The following ERO1A variants were observed in gnomAD, a reference collection of about 807,000 sequenced individuals.
ERO1A encodes ERO1-like protein alpha.
ERO1A carries 49 observed loss-of-function variants against 76.9 expected under a neutral mutation model. The ratio of observed to expected loss-of-function variants is 0.64; its 90% CI spans 0.51 to 0.81. ERO1A has a LOEUF of 0.81. ERO1A is among the 30% of genes least tolerant of loss of function. The probability of loss-of-function intolerance (pLI) is 0.00; values close to 1 mark genes in which losing one functional copy is unlikely to be tolerated. For missense variants in ERO1A, 448 were observed against 542.1 expected (o/e 0.83, Z 1.72); for synonymous variants, 174 against 181.2 (o/e 0.96, Z 0.32).
At chr14:52,652,623 A>G (rs116304498) in intron 12 of ERO1A, among the ~76,000 whole-genome samples, 1 of 152,174 alleles carries the variant, frequency 6.6e-6, no homozygotes, top group African/African-American at 2.4e-5. Context: ...CAAAAGCAAA[A>G]TTCAATCTGA....
chr14:52,673,697 A>G (rs1399773123), intron 4 of ERO1A, among the ~76,000 whole-genome samples: 1 of 152,204 alleles, frequency 6.6e-6, no homozygotes, highest in East Asian at 1.9e-4. Flanking sequence ...AAATTTCACA[A>G]TCATAACTTA....
At chr14:52,692,018 T>C (rs1455935378) in intron 1 of ERO1A, among the ~76,000 whole-genome samples, 2 of 152,372 alleles carry the variant, frequency 1.3e-5, no homozygotes, top group Non-Finnish European at 2.9e-5. Context: ...ATGTAGCAAC[T>C]GACCAAATTC....
intron 3 of ERO1A, among the ~76,000 whole-genome samples, chr14:52,681,854 G>A (rs187593588): frequency 2.0e-4 from 31 of 152,118 alleles, no homozygotes; most frequent in Admixed American, 4.6e-4. Flanking sequence ...ATTTTATTAT[G>A]CTATATATAT....
rs1211261156 is a variant in ERO1A, at chr14:52,695,399, G to A, written c.83C>T (p.Pro28Leu). The change falls in exon 1 of 16, where the codon CCG becomes CTG. Residue 28 changes from proline to leucine, a missense_variant. Physicochemically the swap from Pro to Leu is moderately conservative, Grantham distance 98. This residue lies in a region of ERO1A where 146 missense variants were observed against 130.2 expected (regional missense o/e 1.12). Transcript: ENST00000395686. ...LSSGHGEEQP[P>L]ETAAQRCFCQ... ...GAAGCACCTCTGTGCCGCTGTCTCC[G>A]GGGGCTGCTCCTCTCCGTGGCCCGA... 30 of 1,534,912 alleles carry A rather than the reference G, an allele frequency of 2.0e-5. No homozygotes were observed. Among genetic ancestry groups the A allele is most frequent in the Non-Finnish European group, 2.6e-5 (30 of 1,139,414 alleles).
chr14:52,664,436 C>A (rs896165393), intron 7 of ERO1A, among the ~76,000 whole-genome samples: 1 of 151,846 alleles, frequency 6.6e-6, no homozygotes, highest in Non-Finnish European at 1.5e-5. Context: ...AATAAATACG[C>A]GTTAGTATTA....
rs903551594 is a variant in ERO1A at position 52,641,948 on chromosome 14, G to A, written c.*1622C>T. 3 of 152,162 alleles carry A rather than the reference G, an allele frequency of 2.0e-5. No homozygotes were observed. The highest frequency in any genetic ancestry group is 4.4e-5 in the Non-Finnish European group (3 of 68,042). The allele number at this position is 152,162 out of a possible 1,614,324, so 9.4% of individuals were successfully genotyped here. A position where few individuals can be genotyped will look rare whatever the true frequency, so the allele number is the denominator to read the frequency against. ...GCTTGGCACTGTACCAGGCCTTAGG[G>A]ACACAGAAGAAGAAGTATACAGCAG... On this transcript the variant is annotated 3_prime_UTR_variant, in exon 16 of 16. Transcript: ENST00000395686.
At chr14:52,686,056 A>G (rs1161988648) in intron 1 of ERO1A, among the ~76,000 whole-genome samples, 1 of 152,202 alleles carries the variant, frequency 6.6e-6, no homozygotes, top group Non-Finnish European at 1.5e-5. Context: ...TACCAGAAAC[A>G]TAAAAATTAG....
chr14:52,676,671 T>C (rs2040795021), intron 4 of ERO1A, among the ~76,000 whole-genome samples: 3 of 152,178 alleles, frequency 2.0e-5, no homozygotes, highest in African/African-American at 4.8e-5. Context: ...GTCATCTTTG[T>C]ATTAAAGTCA....
rs958253028 is a variant in ERO1A, at chr14:52,640,905, A to G, written c.*2665T>C. The G allele has an allele frequency of 3.9e-5, 6 of 152,234 alleles. No individual in the cohort carries two copies. Among genetic ancestry groups the G allele is most frequent in the African/African-American group, 1.2e-4 (5 of 41,544 alleles). The allele number at this position is 152,234 out of a possible 1,614,324, so 9.4% of individuals were successfully genotyped here. On this transcript the variant is annotated 3_prime_UTR_variant, in exon 16 of 16. Coordinates refer to ENST00000395686, the MANE Select transcript of ERO1A (RefSeq NM_014584.3). The stretch of plus-strand genomic sequence containing the variant: ...CAAGAAAAGTGCAACAGGCAGATGG[A>G]TTGAGGAGTCTGGCTAAAGATAAGG...
Position 52,666,638 on chromosome 14 carries a change from CAAAG to C in ERO1A, c.509-147_509-144del, listed in dbSNP as rs921013965. ...TTTTAAAACAACTTTTCAGGAGAAA[CAAAG>C]GAAGGAGGCCGGGTGTGGTGCCTCA... On this transcript the variant is annotated intron_variant, in intron 6 of 15. Coordinates refer to ENST00000395686, the MANE Select transcript of ERO1A (RefSeq NM_014584.3). 10 of 795,054 alleles carry C rather than the reference CAAAG, an allele frequency of 1.3e-5. No individual in the cohort carries two copies. The African/African-American group carries it at 1.6e-4, about 13-fold the overall frequency. 49.2% of individuals were successfully genotyped at this position (795,054 alleles called of 1,614,324 possible).
At chr14:52,667,017 T>C (rs1323351938) in intron 6 of ERO1A, among the ~76,000 whole-genome samples, 1 of 152,174 alleles carries the variant, frequency 6.6e-6, no homozygotes, top group African/African-American at 2.4e-5. Context: ...GATTTAGGAA[T>C]TGTAAAAATA....
chr14:52,651,232 G>C (rs2039855667), intron 13 of ERO1A, among the ~76,000 whole-genome samples: 1 of 151,944 alleles, frequency 6.6e-6, no homozygotes. Context: ...AGGTAGCAAT[G>C]AGCCGTGATT....
chr14:52,658,009 C>A lies in ERO1A; in HGVS notation c.716G>T (p.Gly239Val), dbSNP rs746218732. 8.2e-5 allele frequency: 131 copies of A among 1,601,888 alleles called. 1 individual carries two copies. In the East Asian group the frequency reaches 2.9e-3, roughly 36 times the overall value. ...GAATGCTCTTTTTTCTACACAGAGA[C>A]CTAAGAAAAAGCAGTGACTTAGAAA... ...EENTFYSWLE[G>V]LCVEKRAFYR... The change falls in exon 11 of 16, where the codon GGT (glycine) becomes GTT (valine). Residue 239 changes from glycine (G) to valine (V), a missense_variant and splice_region_variant. Physicochemically the swap from Gly to Val is moderately radical, Grantham distance 109. Coordinates refer to ENST00000395686, the MANE Select transcript of ERO1A (RefSeq NM_014584.3).
At chr14:52,671,354 C>T (rs1294345962) in intron 6 of ERO1A, among the ~76,000 whole-genome samples, 1 of 152,112 alleles carries the variant, frequency 6.6e-6, no homozygotes, top group Non-Finnish European at 1.5e-5. Context: ...AGAAAAGGAA[C>T]TGTTATGTCA....
chr14:52,645,465 G>C (rs1594817505), intron 15 of ERO1A, among the ~76,000 whole-genome samples: 1 of 151,740 alleles, frequency 6.6e-6, no homozygotes, highest in African/African-American at 2.4e-5. Flanking sequence ...ACCATGCCTG[G>C]CTAATTTTTT....
intron 7 of ERO1A, among the ~76,000 whole-genome samples, 173 bp downstream of exon 7, chr14:52,666,202 G>A (rs773165265): frequency 3.3e-5 from 5 of 152,290 alleles, no homozygotes; most frequent in Admixed American, 6.5e-5. Context: ...GGAAACTCAC[G>A]TCTATATATT....
At chr14:52,655,726 T>G (rs1381777589) in intron 11 of ERO1A, among the ~76,000 whole-genome samples, 1 of 152,124 alleles carries the variant, frequency 6.6e-6, no homozygotes, top group Admixed American at 6.5e-5. Flanking sequence ...AACTTCTTGG[T>G]CATTTTCTCT....
intron 9 of ERO1A, among the ~76,000 whole-genome samples, chr14:52,660,899 T>A (rs1211677444): frequency 1.3e-5 from 2 of 152,220 alleles, no homozygotes; most frequent in African/African-American, 4.8e-5. Flanking sequence ...AGCATCAACC[T>A]TAGAAGCCAG....
chr14:52,693,099 T>A (rs577153346), intron 1 of ERO1A, among the ~76,000 whole-genome samples: 1 of 151,566 alleles, frequency 6.6e-6, no homozygotes, highest in Non-Finnish European at 1.5e-5. Flanking sequence ...ACTGTTTTTT[T>A]AACTATATGA....
Sources: allele counts gnomAD v4.1 joint callset (sites outside exome capture counted in the v4.1 genomes callset), GRCh38; gene constraint gnomAD v4.1.1; regional missense constraint gnomAD v4.1.1; transcripts MANE v1.5; gene names NCBI Gene and HGNC (gene_info 2026-07-23, HGNC 2026-07-21).